The following CNOT2 variants were observed in gnomAD, a reference collection of about 807,000 sequenced individuals.
CNOT2 encodes the protein CCR4-NOT transcription complex subunit 2.
In CNOT2, 7 loss-of-function variants were observed where a neutral mutation model predicts 72.1. The ratio of observed to expected loss-of-function variants is 0.10; its 90% confidence interval spans 0.06 to 0.18. CNOT2 has a LOEUF of 0.18. CNOT2 is among the 10% of genes least tolerant of loss of function. CNOT2 has a pLI of 1.00. For missense variants in CNOT2, 345 were observed against 660.3 expected (o/e 0.52, Z 5.23); for synonymous variants, 196 against 225.6 (o/e 0.87, Z 1.17).
intron 11 of CNOT2, among the ~76,000 whole-genome samples, chr12:70,341,339 G>A (rs1257832259): frequency 6.6e-6 from 1 of 152,086 alleles, no homozygotes; most frequent in Admixed American, 6.5e-5. Flanking sequence ...CCCTGCCTTA[G>A]TTGCTCTAGG....
intron 1 of CNOT2, among the ~76,000 whole-genome samples, chr12:70,253,526 T>C (rs1394381379): frequency 6.6e-6 from 1 of 152,190 alleles, no homozygotes; most frequent in Non-Finnish European, 1.5e-5. Flanking sequence ...AATGAAGAGA[T>C]AATATATTAT....
intron 2 of CNOT2, among the ~76,000 whole-genome samples, chr12:70,288,313 T>G (rs2135852948): frequency 6.6e-6 from 1 of 151,984 alleles, no homozygotes; most frequent in South Asian, 2.1e-4. Flanking sequence ...TCAGCTAATT[T>G]TTTTTGTATT....
At chr12:70,337,600 T>C in intron 9 of CNOT2, 87 bp downstream of exon 9, 1 of 1,283,914 alleles carries the variant, frequency 7.8e-7, no homozygotes, top group Non-Finnish European at 1.1e-6. Context: ...TAAATACTAT[T>C]ACAAAACTGT....
chr12:70,271,759 C>T (rs1205947484), intron 1 of CNOT2, among the ~76,000 whole-genome samples: 1 of 152,072 alleles, frequency 6.6e-6, no homozygotes, highest in Non-Finnish European at 1.5e-5. Flanking sequence ...GAGTGTCAAC[C>T]AGGAGTGTTT....
chr12:70,350,571 T>A (rs1195206353), intron 15 of CNOT2, among the ~76,000 whole-genome samples: 1 of 152,210 alleles, frequency 6.6e-6, no homozygotes, highest in African/African-American at 2.4e-5. Context: ...GTGTCACAAG[T>A]GGAAAATTCC....
Position 70,330,440 on chromosome 12 carries a change from G to A in CNOT2, c.540G>A (p.Gln180=). The A allele has an allele frequency of 1.2e-6, 2 of 1,612,422 alleles. No homozygotes were observed. Among genetic ancestry groups the A allele is most frequent in the South Asian group, 1.1e-5 (1 of 90,996 alleles). ...SPSIICMPKQ[Q]PSRQPFTVNS... ...GCATAATATGTATGCCAAAGCAGCAGCCTTCTCGACAGCCTTTTACTGTGA... is the reference window on the plus strand; with the variant it reads ...GCATAATATGTATGCCAAAGCAGCAACCTTCTCGACAGCCTTTTACTGTGA... Residue 180 remains glutamine, a synonymous_variant, in exon 6 of 16, where the codon CAG becomes CAA. Transcript: ENST00000229195.
intron 5 of CNOT2, 81 bp from the exon 6 acceptor site, chr12:70,330,206 G>A (rs1052773166): frequency 1.2e-4 from 74 of 642,252 alleles, no homozygotes; most frequent in Non-Finnish European, 1.8e-4. Context: ...AGATTCTAGG[G>A]TTGGACCAAT....
chr12:70,272,493 G>A (rs1018073246), intron 1 of CNOT2, among the ~76,000 whole-genome samples: 1 of 152,152 alleles, frequency 6.6e-6, no homozygotes, highest in Middle Eastern at 3.2e-3. Context: ...AAGGCAATAT[G>A]GCTAGTACTT....
intron 13 of CNOT2, 153 bp downstream of exon 13, chr12:70,342,460 G>A (rs1881634530): frequency 3.5e-6 from 3 of 853,358 alleles, no homozygotes; most frequent in Non-Finnish European, 5.2e-6. Flanking sequence ...AATGGTAAAT[G>A]TTAGGACTGG....
intron 3 of CNOT2, among the ~76,000 whole-genome samples, chr12:70,314,000 A>G (rs1876905630): frequency 6.6e-6 from 1 of 152,152 alleles, no homozygotes; most frequent in Non-Finnish European, 1.5e-5. Flanking sequence ...ATCTTGGGTA[A>G]GAATCTTTGA....
chr12:70,304,616 G>C (rs571145807), intron 2 of CNOT2, among the ~76,000 whole-genome samples: 15 of 152,330 alleles, frequency 9.8e-5, no homozygotes, highest in African/African-American at 3.4e-4. Flanking sequence ...CCCTACTGGG[G>C]GGTCAGGGAC....
intron 4 of CNOT2, among the ~76,000 whole-genome samples, chr12:70,320,330 A>C (rs1445626153): frequency 6.6e-6 from 1 of 151,752 alleles, no homozygotes; most frequent in Non-Finnish European, 1.5e-5. Flanking sequence ...GTTTGTCATA[A>C]CACTTTACCT....
At chr12:70,283,463 C>CGACTGATA (rs1555192616) in intron 2 of CNOT2, among the ~76,000 whole-genome samples, 2 of 69,618 alleles carry the variant, frequency 2.9e-5, no homozygotes, top group Admixed American at 1.5e-4. Flanking sequence ...CTCAGTCAGT[C>CGACTGATA]GATTGATAGA....
intron 1 of CNOT2, among the ~76,000 whole-genome samples, chr12:70,265,798 C>T (rs1412209647): frequency 2.6e-5 from 4 of 151,872 alleles, no homozygotes; most frequent in Non-Finnish European, 5.9e-5. Flanking sequence ...TGGTTACATC[C>T]TACAGATTGT....
chr12:70,257,720 G>T (rs2135724589), intron 1 of CNOT2, among the ~76,000 whole-genome samples: 1 of 152,016 alleles, frequency 6.6e-6, no homozygotes, highest in Middle Eastern at 3.4e-3. Context: ...ATTGTAATTA[G>T]CTATTACGCT....
At chr12:70,276,055 C>T (rs1593097647) in intron 1 of CNOT2, among the ~76,000 whole-genome samples, 1 of 151,888 alleles carries the variant, frequency 6.6e-6, no homozygotes, top group Admixed American at 6.6e-5. Context: ...AACTCCAGGC[C>T]ATGAAATATT....
At chr12:70,276,206 G>C (rs1338271759) in intron 1 of CNOT2, among the ~76,000 whole-genome samples, 1 of 151,852 alleles carries the variant, frequency 6.6e-6, no homozygotes, top group Non-Finnish European at 1.5e-5. Context: ...TGTGGTGTTA[G>C]CCTATAAATT....
At chr12:70,265,885 C>G (rs1002325477) in intron 1 of CNOT2, among the ~76,000 whole-genome samples, 8 of 151,884 alleles carry the variant, frequency 5.3e-5, no homozygotes, top group Admixed American at 2.6e-4. Context: ...CCATGGATTA[C>G]TTAGATATGC....
At chr12:70,278,322 T>C (rs2135804808) in intron 2 of CNOT2, 48 bp downstream of exon 2, 1 of 1,338,630 alleles carries the variant, frequency 7.5e-7, no homozygotes, top group Non-Finnish European at 1.1e-6. Context: ...TATAGCTACA[T>C]TGAAACTGTT....
Sources: gnomAD v4.1 joint callset for allele counts (sites outside exome capture counted in the v4.1 genomes callset) on GRCh38, gnomAD v4.1.1 for gene constraint, MANE v1.5 for transcripts, NCBI Gene and HGNC (gene_info 2026-07-23, HGNC 2026-07-21) for gene names.